Variants in SLC45A4 observed in about 807,000 individuals in gnomAD.
SLC45A4 encodes solute carrier family 45 member 4, also known as polyamine-transporter SLC45A4.
SLC45A4 carries 32 observed loss-of-function variants against 63.7 expected under a neutral mutation model. The observed-to-expected ratio is 0.50, with a 90% CI of 0.38 to 0.67. The LOEUF is 0.67. SLC45A4 is among the 30% of genes least tolerant of loss of function. The pLI is 0.00. For missense variants in SLC45A4, 1,027 were observed against 1,157.7 expected, an observed-to-expected ratio of 0.89 and a Z score of 1.64; for synonymous variants, 535 against 510.0, an observed-to-expected ratio of 1.05 and a Z score of -0.66.
intron 2 of SLC45A4, among the ~76,000 whole-genome samples, chr8:141,237,230 T>C (rs923261953): frequency 5.3e-5 from 8 of 152,220 alleles, no homozygotes; most frequent in Non-Finnish European, 1.5e-5. Flanking sequence ...CAGGTTTCTC[T>C]GTAAATCACC....
intron 1 of SLC45A4, among the ~76,000 whole-genome samples, chr8:141,285,548 C>T (rs948836877): frequency 2.6e-5 from 4 of 152,250 alleles, no homozygotes; most frequent in African/African-American, 7.2e-5. Flanking sequence ...CAGCCTCCAA[C>T]AAATGCATCT....
rs1173053300 is a variant in SLC45A4 at position 141,308,256 on chromosome 8, G to T, written c.-561C>A. 6.8e-6 allele frequency: 1 copy of T among 147,656 alleles called. No homozygotes were observed. Among genetic ancestry groups the T allele is most frequent in the South Asian group, 2.0e-4 (1 of 5,102 alleles). 9.1% of individuals were successfully genotyped at this position (147,656 alleles called of 1,614,324 possible). A position where few individuals can be genotyped will look rare whatever the true frequency, so the allele number is the denominator to read the frequency against. ...CCGGCCGGCCGGGCGGTCAGTCAGC[G>T]ACGCGGGCGCGGAGAGAGCGCTGCG... On this transcript the variant is annotated 5_prime_UTR_variant, in exon 1 of 9. Coordinates refer to ENST00000517878, the MANE Select transcript of SLC45A4 (RefSeq NM_001286646.2).
intron 1 of SLC45A4, among the ~76,000 whole-genome samples, chr8:141,260,262 C>CT (rs1426177950): frequency 1.3e-5 from 2 of 152,230 alleles, no homozygotes; most frequent in Non-Finnish European, 2.9e-5. Context: ...CCTTCATGAA[C>CT]TTATCCAAGG....
intron 2 of SLC45A4, chr8:141,230,120 T>C: frequency 4.4e-6 from 2 of 456,240 alleles, no homozygotes; most frequent in South Asian, 1.5e-5. Flanking sequence ...CATTAGACTA[T>C]TTTCCACAAC....
At chr8:141,237,107 A>G (rs1827666865) in intron 2 of SLC45A4, among the ~76,000 whole-genome samples, 1 of 152,198 alleles carries the variant, frequency 6.6e-6, no homozygotes. Context: ...ATAGCGATCT[A>G]GTAAGTTTGG....
intron 2 of SLC45A4, among the ~76,000 whole-genome samples, chr8:141,232,928 A>G (rs1589792720): frequency 1.3e-5 from 2 of 151,602 alleles, no homozygotes; most frequent in African/African-American, 2.4e-5. Context: ...AGATGCTACC[A>G]CCCCGCCCAA....
Position 141,215,203 on chromosome 8 carries a change from C to T in SLC45A4, c.1941+556G>A, listed in dbSNP as rs1437925992. On this transcript the variant is annotated intron_variant, in intron 7 of 8. Coordinates refer to ENST00000517878, the MANE Select transcript of SLC45A4 (RefSeq NM_001286646.2). This position sits in a 1 kb window ranked among gnomAD's most constrained non-coding sequence, Gnocchi z 4.3. ...TGAGCATTTGAGATAAAGCTCGTCT[C>T]ATGTGTGATGTGCTGTGATGTAACA... Among the ~76,000 whole-genome samples, 1 of 152,224 alleles carries T rather than the reference C, an allele frequency of 6.6e-6. No individual in the cohort carries two copies. The highest frequency in any genetic ancestry group is 1.5e-5 in the Non-Finnish European group (1 of 68,040).
intron 1 of SLC45A4, among the ~76,000 whole-genome samples, chr8:141,274,426 C>T (rs1433029447): frequency 2.0e-5 from 3 of 150,112 alleles, no homozygotes; most frequent in Admixed American, 6.7e-5. Context: ...CCCAGGTACT[C>T]GGGAGGCTGA....
intron 5 of SLC45A4, among the ~76,000 whole-genome samples, chr8:141,217,536 G>A (rs915057104): frequency 6.6e-6 from 1 of 152,226 alleles, no homozygotes; most frequent in Non-Finnish European, 1.5e-5. Flanking sequence ...AGCTCAGACT[G>A]GACCAGAAAG....
chr8:141,228,058 G>T (rs1827123620), intron 2 of SLC45A4: 2 of 1,229,538 alleles, frequency 1.6e-6, no homozygotes, highest in Non-Finnish European at 1.2e-6. Flanking sequence ...GTGAGGCAGA[G>T]CCCTGAGGGG....
intron 2 of SLC45A4, among the ~76,000 whole-genome samples, chr8:141,222,907 G>C (rs747528843): frequency 6.6e-6 from 1 of 152,184 alleles, no homozygotes; most frequent in Non-Finnish European, 1.5e-5. Context: ...CCAGTCACGC[G>C]GTGCCAATTC....
intron 1 of SLC45A4, among the ~76,000 whole-genome samples, chr8:141,259,443 G>A (rs1450383373): frequency 2.0e-5 from 3 of 152,164 alleles, no homozygotes; most frequent in East Asian, 1.9e-4. Flanking sequence ...CTGCCTCTCC[G>A]CCAGCCTGCA....
At chr8:141,217,060 G>A (rs770104274) in intron 6 of SLC45A4, 30 bp downstream of exon 6, 12 of 1,604,814 alleles carry the variant, frequency 7.5e-6, no homozygotes, top group East Asian at 6.7e-5. Flanking sequence ...TCTGGGGTGC[G>A]AGTGCTGACC....
intron 1 of SLC45A4, among the ~76,000 whole-genome samples, chr8:141,302,495 G>C (rs1486312609): frequency 6.7e-6 from 1 of 150,244 alleles, no homozygotes. Flanking sequence ...CACCACACTT[G>C]GCTAATTTTT....
chr8:141,260,420 T>G (rs1828997665), intron 1 of SLC45A4, among the ~76,000 whole-genome samples: 1 of 152,158 alleles, frequency 6.6e-6, no homozygotes, highest in Non-Finnish European at 1.5e-5. Context: ...AACCTTAATT[T>G]CCTCAAAGAT....
At chr8:141,222,362 G>T (rs1301719948) in intron 2 of SLC45A4, among the ~76,000 whole-genome samples, 1 of 152,220 alleles carries the variant, frequency 6.6e-6, no homozygotes, top group Non-Finnish European at 1.5e-5. Context: ...GGGGCAGGGG[G>T]ATGCACCATG....
chr8:141,301,385 T>C (rs1830737727), intron 1 of SLC45A4, among the ~76,000 whole-genome samples: 1 of 152,176 alleles, frequency 6.6e-6, no homozygotes, highest in Admixed American at 6.5e-5. Context: ...GATGTTAACA[T>C]AGCCTAATGA....
At chr8:141,230,747 G>C (rs907066358) in intron 2 of SLC45A4, among the ~76,000 whole-genome samples, 1 of 152,272 alleles carries the variant, frequency 6.6e-6, no homozygotes, top group Non-Finnish European at 1.5e-5. Context: ...GCCCAGGGAA[G>C]TGCAATGCTG....
intron 6 of SLC45A4, among the ~76,000 whole-genome samples, chr8:141,216,508 G>A (rs1358011936): frequency 6.6e-6 from 1 of 152,196 alleles, no homozygotes; most frequent in African/African-American, 2.4e-5. Context: ...TTACCAATGC[G>A]CCGGCTGCTG....
Sources: allele counts gnomAD v4.1 joint callset (sites outside exome capture counted in the v4.1 genomes callset), GRCh38; gene constraint gnomAD v4.1.1; non-coding constraint Gnocchi (gnomAD v3.1); transcripts MANE v1.5; gene names NCBI Gene and HGNC (gene_info 2026-07-23, HGNC 2026-07-21).